The following WNT6 variants were observed in gnomAD, a reference collection of about 807,000 sequenced individuals.
The protein encoded by WNT6 is Wnt family member 6.
WNT6 carries 27 observed loss-of-function variants against 33.1 expected under a neutral mutation model. That is an observed-to-expected ratio of 0.82 (90% CI 0.60 to 1.12). The LOEUF (loss-of-function observed/expected upper bound fraction) is 1.12, where lower values mean the gene tolerates loss of function less well. Among genes scored for constraint, WNT6 ranks in the 50% most tolerant of loss-of-function variants. The pLI is 0.00. For missense variants in WNT6, 494 were observed against 535.3 expected (o/e 0.92, Z 0.76); for synonymous variants, 249 against 242.8 (o/e 1.03, Z -0.24).
intron 1 of WNT6, among the ~76,000 whole-genome samples, chr2:218,870,643 C>T (rs1022067848): frequency 1.3e-5 from 2 of 152,226 alleles, no homozygotes; most frequent in Non-Finnish European, 2.9e-5. Flanking sequence ...ATTTCCTTGA[C>T]GGCCTTCTTG....
chr2:218,863,011 C>A (rs912398690), intron 1 of WNT6, among the ~76,000 whole-genome samples: 1 of 152,212 alleles, frequency 6.6e-6, no homozygotes, highest in Admixed American at 6.5e-5. Flanking sequence ...GGTCACTTGT[C>A]TATTTCTGAC....
chr2:218,871,624 C>A lies in WNT6; in HGVS notation c.441C>A (p.Gly147=). ...GGCGGGCCCCTCCCCGGCCCTCCGG[C>A]CTGCCCGGCACCCCCGGACCCCCTG... ...PRGRAPPRPS[G]LPGTPGPPGP... The change falls in exon 3 of 4, where the codon GGC becomes GGA. Residue 147 remains glycine, a synonymous_variant. Coordinates refer to ENST00000233948, the MANE Select transcript of WNT6 (RefSeq NM_006522.4). This position sits in a 1 kb window ranked among gnomAD's most constrained non-coding sequence, Gnocchi z 6.4. 2.0e-6 allele frequency: 3 copies of A among 1,476,208 alleles called. No homozygotes were observed. The highest frequency in any genetic ancestry group is 2.7e-6 in the Non-Finnish European group (3 of 1,119,512). The allele number at this position is 1,476,208 out of a possible 1,614,324, so 91.4% of individuals were successfully genotyped here. A position where few individuals can be genotyped will look rare whatever the true frequency, so the allele number is the denominator to read the frequency against.
In WNT6 at chr2:218,873,404, C is replaced by G; in HGVS notation, c.657C>G (p.Arg219=). Residue 219 remains arginine, a synonymous_variant, in exon 4 of 4, where the codon CGC becomes CGG. Transcript: ENST00000233948. The surrounding 1 kb of genome is among the most constrained non-coding windows in gnomAD (Gnocchi z 6.1). Reference sequence around the variant, plus strand: ...CGCAGGCCGTGCGGAGCCACACGCGCACCGAGTGCAAATGCCACGGGCTGT... The same window carrying G: ...CGCAGGCCGTGCGGAGCCACACGCGGACCGAGTGCAAATGCCACGGGCTGT... ...AGRLAVRSHT[R]TECKCHGLSG... 1 of 1,536,644 alleles carries G rather than the reference C, an allele frequency of 6.5e-7. No individual in the cohort carries two copies. The highest frequency in any genetic ancestry group is 8.7e-7 in the Non-Finnish European group (1 of 1,146,372).
At position 218,873,487 on chromosome 2, in the gene WNT6, G is replaced by A. The variant is rs1261502638; in HGVS notation, c.740G>A (p.Gly247Asp). 1 of 1,538,830 alleles carries A rather than the reference G, an allele frequency of 6.5e-7. No individual in the cohort carries two copies. The highest frequency in any genetic ancestry group is 8.7e-7 in the Non-Finnish European group (1 of 1,146,578). Residue 247 changes from glycine (G) to aspartate (D), a missense_variant, in exon 4 of 4, where the codon GGC becomes GAC. By Grantham distance (94) the Gly-to-Asp change is moderately conservative. Coordinates refer to ENST00000233948, the MANE Select transcript of WNT6 (RefSeq NM_006522.4). The surrounding 1 kb of genome is among the most constrained non-coding windows in gnomAD (Gnocchi z 6.1). ...AAGCTGCCTCCATTTCGCGAGGTGGGCGCGCGGCTGCTGGAGCGCTTCCAC... is the reference window on the plus strand; with the variant it reads ...AAGCTGCCTCCATTTCGCGAGGTGGACGCGCGGCTGCTGGAGCGCTTCCAC... ...WQKLPPFREV[G>D]ARLLERFHGA...
intron 1 of WNT6, among the ~76,000 whole-genome samples, chr2:218,864,915 G>C (rs1281272502): frequency 3.3e-5 from 5 of 152,232 alleles, no homozygotes; most frequent in Non-Finnish European, 2.9e-5. Flanking sequence ...AAGGGGGTGG[G>C]TTGGCCATCC....
Sources: allele counts gnomAD v4.1 joint callset (sites outside exome capture counted in the v4.1 genomes callset), GRCh38; gene constraint gnomAD v4.1.1; non-coding constraint Gnocchi (gnomAD v3.1); transcripts MANE v1.5; gene names NCBI Gene and HGNC (gene_info 2026-07-23, HGNC 2026-07-21).